Variants in FBN2 observed in about 807,000 individuals in gnomAD.
The protein encoded by FBN2 is fibrillin 2.
Under a neutral mutation model 355.6 loss-of-function variants are expected in FBN2, and 105 were observed. The observed-to-expected ratio is 0.30, with a 90% CI of 0.25 to 0.35. The LOEUF (loss-of-function observed/expected upper bound fraction) is 0.35, where lower values mean the gene tolerates loss of function less well. Among genes scored for constraint, FBN2 ranks in the 10% least tolerant of loss-of-function variants. The pLI, the probability that FBN2 is intolerant of heterozygous loss-of-function variation, is 1.00. For synonymous variants in FBN2, 1,350 were observed against 1,301.2 expected, an observed-to-expected ratio of 1.04 and a Z score of -0.81; for missense variants, 3,280 against 3,758.7, an observed-to-expected ratio of 0.87 and a Z score of 3.33.
Position 128,537,427 on chromosome 5 carries a change from T to C in FBN2, c.177A>G (p.Leu59=). Residue 59 remains leucine (L), a synonymous_variant, in exon 1 of 65, where the codon CTA becomes CTG. Coordinates refer to ENST00000262464, the MANE Select transcript of FBN2 (RefSeq NM_001999.4). The part of the protein sequence containing the change: ...SATAGSEGGF[L]APEYREEGAA... ...CACCCTCCTCGCGATACTCGGGCGC[T>C]AGAAACCCGCCTTCAGAGCCTGCTG... 6.2e-7 allele frequency: 1 copy of C among 1,609,538 alleles called. No homozygotes were observed. The highest frequency in any genetic ancestry group is 1.1e-5 in the South Asian group (1 of 90,334).
intron 5 of FBN2, among the ~76,000 whole-genome samples, chr5:128,475,271 T>C (rs1374129325): frequency 2.0e-5 from 3 of 152,214 alleles, no homozygotes; most frequent in Non-Finnish European, 2.9e-5. Context: ...CCTGAAAATG[T>C]GTTATTGTCA....
intron 19 of FBN2, among the ~76,000 whole-genome samples, chr5:128,361,113 G>C (rs936042717): frequency 1.3e-5 from 2 of 152,160 alleles, no homozygotes; most frequent in Non-Finnish European, 1.5e-5. Flanking sequence ...ACTCATTTAA[G>C]TAACTTCCAC....
chr5:128,340,201 G>A (rs947617071), intron 25 of FBN2, among the ~76,000 whole-genome samples: 9 of 152,028 alleles, frequency 5.9e-5, no homozygotes, highest in Non-Finnish European at 1.3e-4. Flanking sequence ...TCTGTCAGTG[G>A]GGAAAAATGC....
chr5:128,310,231 TAAA>T, intron 39 of FBN2, 123 bp from the exon 40 acceptor site: 1 of 809,138 alleles, frequency 1.2e-6, no homozygotes, highest in Non-Finnish European at 2.0e-6. Context: ...AACTTAGAAA[TAAA>T]GAAAATATCC....
chr5:128,457,842 C>CAA (rs560905143), intron 6 of FBN2, among the ~76,000 whole-genome samples: 3 of 125,442 alleles, frequency 2.4e-5, no homozygotes, highest in East Asian at 2.4e-4. Flanking sequence ...CCAGACACTG[C>CAA]AAAAAAAAAA....
At chr5:128,339,339 G>C in intron 25 of FBN2, 2 of 395,966 alleles carry the variant, frequency 5.1e-6, no homozygotes, top group Non-Finnish European at 9.6e-6. Flanking sequence ...ACAGAAAAGG[G>C]GGGCATGGTG....
intron 6 of FBN2, among the ~76,000 whole-genome samples, chr5:128,461,307 C>T (rs908024096): frequency 2.6e-5 from 4 of 152,090 alleles, no homozygotes; most frequent in African/African-American, 9.7e-5. Context: ...AATGAGATAC[C>T]ATCTCACACC....
At chr5:128,438,912 T>C (rs1255812898) in intron 7 of FBN2, among the ~76,000 whole-genome samples, 1 of 152,134 alleles carries the variant, frequency 6.6e-6, no homozygotes, top group Non-Finnish European at 1.5e-5. Flanking sequence ...CCCCCAACAA[T>C]ATCCAATGCC....
intron 64 of FBN2, among the ~76,000 whole-genome samples, chr5:128,261,169 C>A (rs1764953855): frequency 6.6e-6 from 1 of 152,098 alleles, no homozygotes; most frequent in Non-Finnish European, 1.5e-5. Context: ...CGTTCAAAAC[C>A]AGGTAGTCTG....
chr5:128,512,274 G>A (rs1756150563), intron 5 of FBN2, among the ~76,000 whole-genome samples: 3 of 152,092 alleles, frequency 2.0e-5, no homozygotes, highest in Admixed American at 1.3e-4. Flanking sequence ...CACTTTCGGA[G>A]GCCGAGGCGG....
Position 128,277,888 on chromosome 5 carries a change from G to A in FBN2, c.7463C>T (p.Ser2488Phe). The A allele has an allele frequency of 6.2e-7, 1 of 1,614,108 alleles. No individual in the cohort carries two copies. Among genetic ancestry groups the A allele is most frequent in the Non-Finnish European group, 8.5e-7 (1 of 1,179,998 alleles). The change falls in exon 58 of 65, where the codon TCT becomes TTT. Residue 2488 changes from serine to phenylalanine, a missense_variant. By Grantham distance (155) the Ser-to-Phe change is radical. Coordinates refer to ENST00000262464, the MANE Select transcript of FBN2 (RefSeq NM_001999.4). ...VGYTTDISGTSCIDLDECSQS... is the reference protein window; with the variant it reads ...VGYTTDISGTFCIDLDECSQS... Reference sequence around the variant, plus strand: ...GAGGTGCCCATCGTTACCTATACAAGAGGTTCCACTGATGTCTGTGGTGTA... The same window carrying A: ...GAGGTGCCCATCGTTACCTATACAAAAGGTTCCACTGATGTCTGTGGTGTA...
At chr5:128,498,589 C>T (rs1203328464) in intron 5 of FBN2, among the ~76,000 whole-genome samples, 1 of 152,184 alleles carries the variant, frequency 6.6e-6, no homozygotes, top group Non-Finnish European at 1.5e-5. Flanking sequence ...AGAGAGAGCT[C>T]AAGTTCCTCT....
intron 7 of FBN2, among the ~76,000 whole-genome samples, chr5:128,432,917 C>T (rs974808314): frequency 3.3e-5 from 5 of 151,704 alleles, no homozygotes; most frequent in African/African-American, 9.7e-5. Context: ...ACATTTTACA[C>T]GGCAGCAGGA....
chr5:128,532,832 G>A (rs1210244422), intron 2 of FBN2, among the ~76,000 whole-genome samples: 3 of 152,190 alleles, frequency 2.0e-5, no homozygotes, highest in Admixed American at 6.5e-5. Flanking sequence ...GATCACTTGA[G>A]CCTAGAAGTT....
intron 10 of FBN2, 106 bp downstream of exon 10, chr5:128,393,029 G>T: frequency 1.1e-6 from 1 of 890,294 alleles, no homozygotes; most frequent in Non-Finnish European, 1.9e-6. Flanking sequence ...ACACACATGT[G>T]CAAGTGTGTT....
At chr5:128,439,295 T>A (rs1200272572) in intron 7 of FBN2, among the ~76,000 whole-genome samples, 1 of 152,206 alleles carries the variant, frequency 6.6e-6, no homozygotes, top group Non-Finnish European at 1.5e-5. Flanking sequence ...TGGATATTTG[T>A]AATTTTGATA....
intron 7 of FBN2, among the ~76,000 whole-genome samples, chr5:128,433,086 G>T (rs1226466266): frequency 6.6e-6 from 1 of 152,048 alleles, no homozygotes; most frequent in Non-Finnish European, 1.5e-5. Context: ...GGAGATTATG[G>T]GGATTAAAAT....
chr5:128,303,908 GT>G lies in FBN2; in HGVS notation c.5801-820del, dbSNP rs1393521420. 5.2e-4 allele frequency among the ~76,000 whole-genome samples: 79 copies of G among 152,132 alleles called. 2 individuals are homozygous for G. Among genetic ancestry groups the G allele is most frequent in the Non-Finnish European group, 4.4e-5 (3 of 68,022 alleles). ...ATGTATAAACAAGCATTCTTAGGGA[GT>G]TCATGCAAATAAGACCAGATCCTGT... On this transcript the variant is annotated intron_variant, in intron 45 of 64. Coordinates refer to ENST00000262464, the MANE Select transcript of FBN2 (RefSeq NM_001999.4).
intron 5 of FBN2, among the ~76,000 whole-genome samples, chr5:128,473,047 T>G (rs2127096269): frequency 6.6e-6 from 1 of 152,324 alleles, no homozygotes; most frequent in East Asian, 1.9e-4. Flanking sequence ...TGTTTTCAAC[T>G]GATTTCAAGT....
Sources: gnomAD v4.1 joint callset for allele counts (sites outside exome capture counted in the v4.1 genomes callset) on GRCh38, gnomAD v4.1.1 for gene constraint, MANE v1.5 for transcripts, NCBI Gene and HGNC (gene_info 2026-07-23, HGNC 2026-07-21) for gene names.